AKAP6: variants seen among roughly 807,000 people sequenced by gnomAD.
AKAP6 encodes the protein A-kinase anchoring protein 6, also known as A-kinase anchor protein 6.
A neutral mutation model predicts 188.5 loss-of-function variants in AKAP6; 58 were observed. That is an observed-to-expected ratio of 0.31 (90% confidence interval 0.25 to 0.38). AKAP6 has a LOEUF of 0.38. Among genes scored for constraint, AKAP6 ranks in the 10% least tolerant of loss-of-function variants. AKAP6 has a pLI of 1.00. For synonymous variants in AKAP6, 989 were observed against 998.6 expected (o/e 0.99, Z 0.18); for missense variants, 2,710 against 2,740.0 (o/e 0.99, Z 0.24).
chr14:32,518,393 C>A (rs1329990363), intron 2 of AKAP6, among the ~76,000 whole-genome samples: 1 of 152,148 alleles, frequency 6.6e-6, no homozygotes, highest in Non-Finnish European at 1.5e-5. Flanking sequence ...TAACAGACTT[C>A]TCTGAGCTAA....
intron 12 of AKAP6, among the ~76,000 whole-genome samples, chr14:32,799,214 A>G (rs939608640): frequency 6.6e-6 from 1 of 152,192 alleles, no homozygotes; most frequent in Non-Finnish European, 1.5e-5. Flanking sequence ...AGAGTGGGCC[A>G]AAGCTAAACC....
At chr14:32,687,428 CTCTCTCTCTCTCTT>C (rs1271205905) in intron 8 of AKAP6, among the ~76,000 whole-genome samples, 10 of 141,402 alleles carry the variant, frequency 7.1e-5, no homozygotes, top group African/African-American at 3.1e-4. Context: ...CTCTCTCTCT[CTCTCTCTCTCTCTT>C]TCTCTCTTTC....
chr14:32,744,181 T>C (rs1036339090), intron 11 of AKAP6, among the ~76,000 whole-genome samples: 48 of 152,210 alleles, frequency 3.2e-4, no homozygotes, highest in Non-Finnish European at 5.0e-4. Context: ...TGTTATTTGC[T>C]TCTTTTCTCT....
At chr14:32,398,150 TTTC>T in intron 1 of AKAP6, among the ~76,000 whole-genome samples, 1 of 152,326 alleles carries the variant, frequency 6.6e-6, no homozygotes, top group East Asian at 1.9e-4. Context: ...CAAATAACTG[TTTC>T]TTAAATGAGA....
At chr14:32,430,219 A>C (rs1254999286) in intron 1 of AKAP6, among the ~76,000 whole-genome samples, 1 of 152,210 alleles carries the variant, frequency 6.6e-6, no homozygotes, top group Non-Finnish European at 1.5e-5. Flanking sequence ...CTGGATAAAT[A>C]ACCCTAGGCA....
At chr14:32,672,117 G>A (rs577305525) in intron 7 of AKAP6, among the ~76,000 whole-genome samples, 52 of 152,210 alleles carry the variant, frequency 3.4e-4, no homozygotes, top group African/African-American at 1.2e-3. Flanking sequence ...ACCACATACC[G>A]AGCCAAATTT....
chr14:32,740,703 G>A (rs1448958465), intron 11 of AKAP6, among the ~76,000 whole-genome samples: 1 of 151,908 alleles, frequency 6.6e-6, no homozygotes, highest in Non-Finnish European at 1.5e-5. Flanking sequence ...TTCATTTTTG[G>A]GTTCTCTGTT....
intron 1 of AKAP6, among the ~76,000 whole-genome samples, chr14:32,384,245 T>G (rs112729472): frequency 0.022 from 3,358 of 152,310 alleles, 123 homozygotes; most frequent in African/African-American, 0.076. Flanking sequence ...AGGAGGGCTT[T>G]CTTTCTTTAC....
chr14:32,548,696 T>G (rs184434516), intron 4 of AKAP6, among the ~76,000 whole-genome samples: 93 of 152,166 alleles, frequency 6.1e-4, no homozygotes, highest in African/African-American at 2.1e-3. Context: ...AGACCTTTTG[T>G]GTAGGAAGCT....
intron 7 of AKAP6, among the ~76,000 whole-genome samples, chr14:32,606,010 C>T (rs1444847371): frequency 6.6e-6 from 1 of 152,084 alleles, no homozygotes; most frequent in Non-Finnish European, 1.5e-5. Flanking sequence ...AATTCAAAGA[C>T]TCTGGGAAAC....
intron 7 of AKAP6, among the ~76,000 whole-genome samples, chr14:32,666,294 G>A (rs1288208453): frequency 2.0e-5 from 3 of 151,634 alleles, no homozygotes; most frequent in South Asian, 2.1e-4. Context: ...ATAATATCTC[G>A]ATAAAATGTA....
chr14:32,483,854 G>C (rs1351415572), intron 2 of AKAP6, among the ~76,000 whole-genome samples: 6 of 151,948 alleles, frequency 3.9e-5, no homozygotes, highest in African/African-American at 1.4e-4. Flanking sequence ...TAGTATACAT[G>C]GGCTATGGTG....
chr14:32,556,210 A>G (rs1272534668), intron 4 of AKAP6, among the ~76,000 whole-genome samples: 1 of 152,110 alleles, frequency 6.6e-6, no homozygotes, highest in Non-Finnish European at 1.5e-5. Context: ...ATGAATAATG[A>G]TGTTCAGCAT....
intron 12 of AKAP6, among the ~76,000 whole-genome samples, chr14:32,818,481 A>G (rs2034442269): frequency 6.6e-6 from 1 of 151,218 alleles, no homozygotes; most frequent in Non-Finnish European, 1.5e-5. Flanking sequence ...ATGCCTACAC[A>G]TCACTTGACA....
At position 32,600,911 on chromosome 14, in the gene AKAP6, C is replaced by A. The variant is rs193192742; in HGVS notation, c.2730+119C>A. Reference sequence around the variant, plus strand: ...TGTTTCTACTGGGTAAACTTTATATCTCTCTCTATATATATATAAACAAAA... The same window carrying A: ...TGTTTCTACTGGGTAAACTTTATATATCTCTCTATATATATATAAACAAAA... On this transcript the variant is annotated intron_variant, in intron 7 of 13. Transcript: ENST00000280979. The A allele has an allele frequency of 6.7e-4, 552 of 826,796 alleles. 3 individuals are homozygous for A. The highest frequency in any genetic ancestry group is 6.6e-3 in the African/African-American group (371 of 56,558). 51.2% of individuals were successfully genotyped at this position (826,796 alleles called of 1,614,324 possible).
At chr14:32,722,974 G>A (rs556695126) in intron 9 of AKAP6, among the ~76,000 whole-genome samples, 1 of 152,302 alleles carries the variant, frequency 6.6e-6, no homozygotes, top group East Asian at 1.9e-4. Context: ...GGCTCCAGAG[G>A]TTATGGGCAA....
intron 12 of AKAP6, among the ~76,000 whole-genome samples, chr14:32,783,866 CCTCT>C (rs1435029957): frequency 1.3e-5 from 2 of 152,112 alleles, no homozygotes; most frequent in African/African-American, 2.4e-5. Flanking sequence ...ACCTAAACTG[CCTCT>C]CTAAGACAAA....
chr14:32,700,701 G>A (rs569416400), intron 9 of AKAP6, among the ~76,000 whole-genome samples: 35 of 152,190 alleles, frequency 2.3e-4, no homozygotes, highest in Admixed American at 2.0e-3. Context: ...AGGCTCTACC[G>A]TATAGCCAAG....
At chr14:32,525,714 A>G (rs2139078452) in intron 2 of AKAP6, among the ~76,000 whole-genome samples, 1 of 152,322 alleles carries the variant, frequency 6.6e-6, no homozygotes, top group South Asian at 2.1e-4. Flanking sequence ...TTTACCTCTA[A>G]TTTGTAAAAT....
Sources: gnomAD v4.1 joint callset for allele counts (sites outside exome capture counted in the v4.1 genomes callset) on GRCh38, gnomAD v4.1.1 for gene constraint, MANE v1.5 for transcripts, NCBI Gene and HGNC (gene_info 2026-07-23, HGNC 2026-07-21) for gene names.